Variants in WWOX observed in about 807,000 individuals in gnomAD.
The protein encoded by WWOX is WW domain containing oxidoreductase, also known as WW domain-containing oxidoreductase.
Under a neutral mutation model 46.2 loss-of-function variants are expected in WWOX, and 69 were observed. The ratio of observed to expected loss-of-function variants is 1.49; its 90% CI spans 1.23 to 1.82. WWOX has a LOEUF of 1.82. Ranked by LOEUF, WWOX falls within the 40% of genes most tolerant of loss-of-function variation. WWOX has a pLI of 0.00. For synonymous variants in WWOX, 359 were observed against 202.6 expected (o/e 1.77, Z -6.56); for missense variants, 919 against 542.6 (o/e 1.69, Z -6.89).
At chr16:78,717,070 T>C (rs2142340853) in intron 8 of WWOX, among the ~76,000 whole-genome samples, 1 of 152,302 alleles carries the variant, frequency 6.6e-6, no homozygotes, top group East Asian at 1.9e-4. Flanking sequence ...AAAGGGTAAA[T>C]GGCTTCATCA....
Position 78,424,625 on chromosome 16 carries a change from A to G in WWOX, c.606-245A>G, listed in dbSNP as rs148367406. Among the ~76,000 whole-genome samples the G allele has an allele frequency of 4.2e-3, 638 of 152,288 alleles. 4 individuals carry two copies. Among genetic ancestry groups the G allele is most frequent in the African/African-American group, 0.015 (615 of 41,564 alleles). ...TTCACACTGAAAGTTCCGTATCCTA[A>G]TAAGCCTCTCATCCTCAGCAACGGA... On this transcript the variant is annotated intron_variant, in intron 6 of 8. Transcript: ENST00000566780.
At chr16:78,694,168 G>T (rs562815435) in intron 8 of WWOX, among the ~76,000 whole-genome samples, 1 of 152,068 alleles carries the variant, frequency 6.6e-6, no homozygotes, top group Non-Finnish European at 1.5e-5. Context: ...AGCTGAGATC[G>T]CACTACTTCA....
intron 8 of WWOX, among the ~76,000 whole-genome samples, chr16:78,647,145 C>T (rs139068353): frequency 1.1e-3 from 170 of 152,308 alleles, no homozygotes; most frequent in African/African-American, 3.8e-3. Context: ...CATCCTGGGT[C>T]TAGCTGGGGA....
At chr16:78,393,021 G>C (rs1299073576) in intron 6 of WWOX, among the ~76,000 whole-genome samples, 1 of 152,094 alleles carries the variant, frequency 6.6e-6, no homozygotes, top group Non-Finnish European at 1.5e-5. Flanking sequence ...GGCATTACTG[G>C]AAAGTTCCAA....
At chr16:78,255,903 G>T (rs1045241702) in intron 5 of WWOX, among the ~76,000 whole-genome samples, 10 of 152,148 alleles carry the variant, frequency 6.6e-5, no homozygotes, top group Admixed American at 2.0e-4. Flanking sequence ...CATAATCTCA[G>T]CACTTTGAGA....
At chr16:78,921,679 C>T (rs991924497) in intron 8 of WWOX, among the ~76,000 whole-genome samples, 2 of 152,124 alleles carry the variant, frequency 1.3e-5, no homozygotes, top group Non-Finnish European at 2.9e-5. Flanking sequence ...CCTGGCAACT[C>T]CTTCTGAGTA....
intron 8 of WWOX, among the ~76,000 whole-genome samples, chr16:79,149,897 C>G (rs865828012): frequency 6.6e-6 from 1 of 152,180 alleles, no homozygotes; most frequent in South Asian, 2.1e-4. Flanking sequence ...GGGTTCAGAT[C>G]CTTCTATCCA....
intron 8 of WWOX, chr16:78,891,767 G>T (rs1382079415): frequency 6.6e-6 from 1 of 151,122 alleles, no homozygotes; most frequent in Admixed American, 6.6e-5. Context: ...CGAATCCACT[G>T]CTGGGTATTC....
At chr16:79,153,722 G>A (rs1232148404) in intron 8 of WWOX, among the ~76,000 whole-genome samples, 1 of 152,146 alleles carries the variant, frequency 6.6e-6, no homozygotes, top group African/African-American at 2.4e-5. Context: ...TTAAAGGTTA[G>A]TGAAAGCAAC....
intron 8 of WWOX, among the ~76,000 whole-genome samples, chr16:78,622,119 A>C (rs2151645510): frequency 6.6e-6 from 1 of 152,280 alleles, no homozygotes; most frequent in South Asian, 2.1e-4. Flanking sequence ...AGATAATTTT[A>C]GTAAAACCTT....
chr16:78,926,412 C>G (rs574148697), intron 8 of WWOX, among the ~76,000 whole-genome samples: 1 of 151,966 alleles, frequency 6.6e-6, no homozygotes, highest in Non-Finnish European at 1.5e-5. Context: ...AAAGCCTGGC[C>G]CATGCAATTT....
chr16:79,140,146 T>C (rs569581331), intron 8 of WWOX, among the ~76,000 whole-genome samples: 1 of 152,344 alleles, frequency 6.6e-6, no homozygotes, highest in East Asian at 1.9e-4. Flanking sequence ...GTTATTGTTT[T>C]TCTTTCTGGT....
At chr16:79,146,333 C>T (rs1018418345) in intron 8 of WWOX, among the ~76,000 whole-genome samples, 10 of 152,130 alleles carry the variant, frequency 6.6e-5, no homozygotes, top group South Asian at 6.2e-4. Flanking sequence ...TTTGATGCCC[C>T]GTCTTCAACC....
chr16:78,795,397 G>C (rs1251703388), intron 8 of WWOX, among the ~76,000 whole-genome samples: 2 of 152,106 alleles, frequency 1.3e-5, no homozygotes, highest in African/African-American at 2.4e-5. Context: ...TGAATGAGTA[G>C]GATGGAAAGG....
intron 8 of WWOX, among the ~76,000 whole-genome samples, chr16:78,923,080 C>G (rs1166441645): frequency 6.6e-6 from 1 of 150,654 alleles, no homozygotes; most frequent in Non-Finnish European, 1.5e-5. Context: ...CTCTTGGGTT[C>G]AAGTGATTCT....
At chr16:78,405,925 C>G (rs1376145655) in intron 6 of WWOX, among the ~76,000 whole-genome samples, 1 of 152,172 alleles carries the variant, frequency 6.6e-6, no homozygotes, top group Non-Finnish European at 1.5e-5. Flanking sequence ...TGTCACATAC[C>G]TCTCTGACAT....
chr16:78,429,409 C>T (rs895836497), intron 7 of WWOX, among the ~76,000 whole-genome samples: 1 of 152,088 alleles, frequency 6.6e-6, no homozygotes, highest in African/African-American at 2.4e-5. Context: ...GACTTCCACC[C>T]AAAAAATCAC....
intron 8 of WWOX, among the ~76,000 whole-genome samples, chr16:78,576,436 G>A (rs1597293338): frequency 6.6e-6 from 1 of 152,302 alleles, no homozygotes; most frequent in East Asian, 1.9e-4. Flanking sequence ...TTCCTTGTCT[G>A]GAGGCGTTGG....
intron 8 of WWOX, among the ~76,000 whole-genome samples, chr16:78,627,604 A>T (rs1025844450): frequency 1.1e-4 from 17 of 152,246 alleles, no homozygotes; most frequent in Non-Finnish European, 4.4e-5. Flanking sequence ...ATAAAGAGGA[A>T]AAACTGGACA....
Sources: gnomAD v4.1 joint callset for allele counts (sites outside exome capture counted in the v4.1 genomes callset) on GRCh38, gnomAD v4.1.1 for gene constraint, MANE v1.5 for transcripts, NCBI Gene and HGNC (gene_info 2026-07-23, HGNC 2026-07-21) for gene names.